MAML2: variants seen among roughly 807,000 people sequenced by gnomAD.
The protein encoded by MAML2 is mastermind-like protein 2.
MAML2 carries 22 observed loss-of-function variants against 96.1 expected under a neutral mutation model. The observed-to-expected ratio is 0.23, with a 90% confidence interval of 0.16 to 0.33. MAML2 has a LOEUF of 0.33. Ranked by LOEUF, MAML2 falls within the 10% of genes least tolerant of loss-of-function variation. The pLI, the probability that MAML2 is intolerant of heterozygous loss-of-function variation, is 1.00. For synonymous variants in MAML2, 561 were observed against 521.3 expected (o/e 1.08, Z -1.04); for missense variants, 1,367 against 1,392.4 (o/e 0.98, Z 0.29).
chr11:96,008,771 A>G (rs1858225986), intron 2 of MAML2, among the ~76,000 whole-genome samples: 1 of 152,224 alleles, frequency 6.6e-6, no homozygotes, highest in South Asian at 2.1e-4. Flanking sequence ...TAATTGGCCT[A>G]AAAATTATTT....
At chr11:95,999,030 A>C (rs1858041079) in intron 2 of MAML2, among the ~76,000 whole-genome samples, 1 of 152,152 alleles carries the variant, frequency 6.6e-6, no homozygotes, top group African/African-American at 2.4e-5. Flanking sequence ...CTCTGTGTTA[A>C]TTGTGTTTCT....
At chr11:96,238,503 A>T (rs1401475191) in intron 1 of MAML2, among the ~76,000 whole-genome samples, 1 of 152,234 alleles carries the variant, frequency 6.6e-6, no homozygotes, top group African/African-American at 2.4e-5. Flanking sequence ...CTACTGCAGC[A>T]TTCCCATGAT....
intron 1 of MAML2, among the ~76,000 whole-genome samples, chr11:96,285,924 C>G (rs1309971135): frequency 6.6e-6 from 1 of 152,122 alleles, no homozygotes; most frequent in Non-Finnish European, 1.5e-5. Flanking sequence ...GGCAATTCTT[C>G]AAAGTTCTAG....
At chr11:96,297,916 A>G (rs1229774186) in intron 1 of MAML2, among the ~76,000 whole-genome samples, 1 of 152,178 alleles carries the variant, frequency 6.6e-6, no homozygotes, top group Non-Finnish European at 1.5e-5. Context: ...TATCCTGTAA[A>G]ACACAGCCAA....
chr11:96,310,241 T>C (rs1863520036), intron 1 of MAML2, among the ~76,000 whole-genome samples: 1 of 152,190 alleles, frequency 6.6e-6, no homozygotes, highest in Non-Finnish European at 1.5e-5. Context: ...GGTTATTTTT[T>C]TTTTCACTAA....
At chr11:96,104,412 T>A (rs1158846215) in intron 1 of MAML2, among the ~76,000 whole-genome samples, 1 of 152,246 alleles carries the variant, frequency 6.6e-6, no homozygotes, top group Non-Finnish European at 1.5e-5. Flanking sequence ...TTTTCTACAT[T>A]GAACATATAT....
intron 1 of MAML2, among the ~76,000 whole-genome samples, chr11:96,332,256 A>T (rs1042842290): frequency 6.6e-6 from 1 of 152,208 alleles, no homozygotes; most frequent in Non-Finnish European, 1.5e-5. Context: ...ACACTAGCTA[A>T]GCAGATCGGA....
At chr11:96,243,481 G>A (rs2135962085) in intron 1 of MAML2, among the ~76,000 whole-genome samples, 1 of 152,306 alleles carries the variant, frequency 6.6e-6, no homozygotes, top group East Asian at 1.9e-4. Flanking sequence ...AGGCACGCGC[G>A]GAGCCAGACC....
At chr11:96,012,748 G>A (rs1858285836) in intron 2 of MAML2, among the ~76,000 whole-genome samples, 1 of 152,088 alleles carries the variant, frequency 6.6e-6, no homozygotes, top group South Asian at 2.1e-4. Flanking sequence ...TAATTTAGTT[G>A]TGCAGTGAAC....
At chr11:96,173,789 C>T (rs923067041) in intron 1 of MAML2, among the ~76,000 whole-genome samples, 14 of 152,220 alleles carry the variant, frequency 9.2e-5, no homozygotes, top group Non-Finnish European at 1.3e-4. Context: ...TTATGTACTC[C>T]TCACTTTCTC....
At chr11:95,986,253 G>A (rs757637843) in intron 3 of MAML2, among the ~76,000 whole-genome samples, 8 of 152,150 alleles carry the variant, frequency 5.3e-5, no homozygotes, top group Non-Finnish European at 1.2e-4. Context: ...CACCCAGAGT[G>A]GAGTGCAGTG....
rs370365960 is a variant in MAML2, at chr11:95,979,250, G to C, written c.3169C>G (p.Gln1057Glu). 19 of 1,613,994 alleles carry C rather than the reference G, an allele frequency of 1.2e-5. No individual in the cohort carries two copies. The highest frequency in any genetic ancestry group is 1.5e-5 in the Non-Finnish European group (18 of 1,179,898). ...LNLRPNQLST[Q>E]ILPNLNQSGT... is the part of the protein sequence containing the mutation. ...GACTGATTCAAATTAGGCAAAATCT[G>C]TGTGCTTAGCTGATTGGGTCTGAGA... The change falls in exon 5 of 5, where the codon CAG (glutamine) becomes GAG (glutamate). Residue 1057 changes from glutamine (Q) to glutamate (E), a missense_variant. Gln to Glu is a conservative substitution (Grantham distance 29). Coordinates refer to ENST00000524717, the MANE Select transcript of MAML2 (RefSeq NM_032427.4).
intron 2 of MAML2, among the ~76,000 whole-genome samples, chr11:96,081,514 TA>T (rs141266347): frequency 0.23 from 34,459 of 150,376 alleles, 4,386 homozygotes; most frequent in South Asian, 0.35. Flanking sequence ...TTCATATATT[TA>T]AAAAAAAAAC....
chr11:96,264,436 T>C (rs1862797625), intron 1 of MAML2, among the ~76,000 whole-genome samples: 1 of 152,198 alleles, frequency 6.6e-6, no homozygotes, highest in African/African-American at 2.4e-5. Context: ...TTGAACACAA[T>C]ATGCAACAGT....
intron 1 of MAML2, among the ~76,000 whole-genome samples, chr11:96,193,117 C>G (rs931670967): frequency 4.6e-5 from 7 of 152,180 alleles, no homozygotes; most frequent in Admixed American, 4.6e-4. Flanking sequence ...GCCTATAATC[C>G]CAGCACTTTG....
chr11:96,008,648 C>T (rs1265273854), intron 2 of MAML2, among the ~76,000 whole-genome samples: 2 of 152,148 alleles, frequency 1.3e-5, no homozygotes, highest in Admixed American at 1.3e-4. Flanking sequence ...AAAAACAGCC[C>T]TCTTCTCCAT....
chr11:96,333,732 T>C (rs2136019184), intron 1 of MAML2, among the ~76,000 whole-genome samples: 1 of 152,350 alleles, frequency 6.6e-6, no homozygotes, highest in Middle Eastern at 3.4e-3. Flanking sequence ...GGGATCTGGC[T>C]TTCAAAAGCA....
intron 1 of MAML2, among the ~76,000 whole-genome samples, chr11:96,220,680 C>T (rs2135946265): frequency 6.6e-6 from 1 of 151,990 alleles, no homozygotes; most frequent in South Asian, 2.1e-4. Context: ...CATTTTATTT[C>T]TGGTTGTATT....
intron 1 of MAML2, among the ~76,000 whole-genome samples, chr11:96,337,085 CTTATAA>C (rs1565287859): frequency 2.0e-5 from 3 of 152,064 alleles, no homozygotes; most frequent in South Asian, 2.1e-4. Flanking sequence ...TTTGTGAGAT[CTTATAA>C]TTATATTTAC....
Sources: allele counts gnomAD v4.1 joint callset (sites outside exome capture counted in the v4.1 genomes callset), GRCh38; gene constraint gnomAD v4.1.1; transcripts MANE v1.5; gene names NCBI Gene and HGNC (gene_info 2026-07-23, HGNC 2026-07-21).